Variants in ANKS1B observed in about 807,000 individuals in gnomAD.
ANKS1B encodes the protein ankyrin repeat and sterile alpha motif domain containing 1B, also known as ankyrin repeat and sterile alpha motif domain-containing protein 1B.
In ANKS1B, 36 loss-of-function variants were observed where a neutral mutation model predicts 148.3. The observed-to-expected ratio is 0.24, with a 90% CI of 0.19 to 0.32. The LOEUF (loss-of-function observed/expected upper bound fraction) is 0.32, where lower values mean the gene tolerates loss of function less well. Among genes scored for constraint, ANKS1B ranks in the 10% least tolerant of loss-of-function variants. The pLI is 1.00. For missense variants in ANKS1B, 1,157 were observed against 1,542.6 expected, an observed-to-expected ratio of 0.75 and a Z score of 4.19; for synonymous variants, 542 against 560.8, an observed-to-expected ratio of 0.97 and a Z score of 0.47.
At chr12:98,916,961 TA>T (rs1157578268) in intron 17 of ANKS1B, among the ~76,000 whole-genome samples, 1 of 141,678 alleles carries the variant, frequency 7.1e-6, no homozygotes, top group Non-Finnish European at 1.5e-5. Flanking sequence ...AGTATTCAAC[TA>T]TTTTTTTTTT....
chr12:98,875,185 G>A (rs1311054237), intron 17 of ANKS1B, among the ~76,000 whole-genome samples: 1 of 152,072 alleles, frequency 6.6e-6, no homozygotes, highest in Non-Finnish European at 1.5e-5. Flanking sequence ...ACCTATCCTT[G>A]CTCCTTGTTC....
chr12:99,306,601 T>G (rs948883490), intron 12 of ANKS1B, among the ~76,000 whole-genome samples: 4 of 152,116 alleles, frequency 2.6e-5, no homozygotes, highest in Non-Finnish European at 4.4e-5. Context: ...GGATGCTGTC[T>G]AGCATATCAA....
chr12:99,724,434 G>A (rs1229186111), intron 8 of ANKS1B, among the ~76,000 whole-genome samples: 1 of 152,170 alleles, frequency 6.6e-6, no homozygotes, highest in African/African-American at 2.4e-5. Flanking sequence ...GCTGAAATAA[G>A]GCATGCAGAC....
chr12:99,385,668 T>C (rs796727172), intron 12 of ANKS1B, among the ~76,000 whole-genome samples: 1 of 152,154 alleles, frequency 6.6e-6, no homozygotes, highest in South Asian at 2.1e-4. Flanking sequence ...ATAGTATTTA[T>C]TGTAATGTTC....
At chr12:98,942,306 T>C (rs1162970156) in intron 17 of ANKS1B, among the ~76,000 whole-genome samples, 4 of 152,132 alleles carry the variant, frequency 2.6e-5, no homozygotes, top group Non-Finnish European at 5.9e-5. Flanking sequence ...TTCTCTCTTA[T>C]ATGACTTTTG....
intron 19 of ANKS1B, among the ~76,000 whole-genome samples, chr12:98,809,493 G>C (rs2099077411): frequency 6.6e-6 from 1 of 152,136 alleles, no homozygotes; most frequent in South Asian, 2.1e-4. Flanking sequence ...CACTTCTAGT[G>C]CTAAATAATC....
At chr12:99,453,121 T>C (rs1351691187) in intron 10 of ANKS1B, among the ~76,000 whole-genome samples, 2 of 152,006 alleles carry the variant, frequency 1.3e-5, no homozygotes, top group Non-Finnish European at 2.9e-5. Flanking sequence ...AAACCCCGTC[T>C]CTACTAAAAA....
intron 12 of ANKS1B, among the ~76,000 whole-genome samples, chr12:99,326,201 A>T (rs1602966396): frequency 6.6e-6 from 1 of 152,064 alleles, no homozygotes; most frequent in South Asian, 2.1e-4. Context: ...GGGACACAAA[A>T]CCTAACCATA....
At chr12:99,543,611 G>T (rs2097147003) in intron 9 of ANKS1B, among the ~76,000 whole-genome samples, 1 of 152,036 alleles carries the variant, frequency 6.6e-6, no homozygotes, top group African/African-American at 2.4e-5. Context: ...ACACAGAATT[G>T]AATATTATTT....
intron 10 of ANKS1B, among the ~76,000 whole-genome samples, chr12:99,450,918 T>C (rs1478094897): frequency 1.3e-5 from 2 of 152,204 alleles, no homozygotes; most frequent in Non-Finnish European, 2.9e-5. Flanking sequence ...CTAGAAGATA[T>C]ATGAGTCTTA....
chr12:98,989,570 G>C lies in ANKS1B; in HGVS notation c.2778+63587C>G, dbSNP rs1480882476. ...TGGCTCCAAATTTGTTTGCTTGTTT[G>C]TTTTGCTCATGATTGCTTTGTCTAT... On this transcript the variant is annotated intron_variant, in intron 17 of 26. Coordinates refer to ENST00000683438, the MANE Select transcript of ANKS1B (RefSeq NM_001352186.2). Among the ~76,000 whole-genome samples, 9 of 152,048 alleles carry C rather than the reference G, an allele frequency of 5.9e-5. No individual in the cohort carries two copies. In the East Asian group the frequency reaches 1.7e-3, roughly 29 times the overall value.
At position 99,857,510 on chromosome 12, in the gene ANKS1B, T is replaced by G. The variant is rs150433879; in HGVS notation, c.135-32121A>C. Among the ~76,000 whole-genome samples the G allele has an allele frequency of 7.1e-3, 1,086 of 152,122 alleles. 10 individuals are homozygous for G. Among genetic ancestry groups the G allele is most frequent in the African/African-American group, 0.025 (1,024 of 41,510 alleles). ...TACAATTCCCATCAAAATACCACCATCATTCTTCACAGAACTAAAAGAAAA... is the reference window on the plus strand; with the variant it reads ...TACAATTCCCATCAAAATACCACCAGCATTCTTCACAGAACTAAAAGAAAA... On this transcript the variant is annotated intron_variant, in intron 1 of 26. Coordinates refer to ENST00000683438, the MANE Select transcript of ANKS1B (RefSeq NM_001352186.2).
At chr12:99,574,174 G>A (rs1044338442) in intron 9 of ANKS1B, among the ~76,000 whole-genome samples, 1 of 152,078 alleles carries the variant, frequency 6.6e-6, no homozygotes, top group Non-Finnish European at 1.5e-5. Context: ...AGAATCCAAT[G>A]AAATCTCTGT....
chr12:98,846,943 C>T (rs2099478899), intron 17 of ANKS1B, among the ~76,000 whole-genome samples: 1 of 152,146 alleles, frequency 6.6e-6, no homozygotes, highest in Admixed American at 6.6e-5. Flanking sequence ...CACTTTATTC[C>T]AGTATGACTG....
In ANKS1B at chr12:99,244,403, T is replaced by C; in HGVS notation, c.2358A>G (p.Ile786Met). Reference protein sequence around the residue: ...FTSEWEEIDKIMSSIDVGINN... With the variant: ...FTSEWEEIDKMMSSIDVGINN... ...TGATTCCAACATCTATGGAACTCAT[T>C]ATTTTGTCAATCTGTAAGAAACAAA... Residue 786 changes from isoleucine (I) to methionine (M), a missense_variant, in exon 14 of 27, where the codon ATA becomes ATG. Physicochemically the swap from Ile to Met is conservative, Grantham distance 10. This residue lies in a region of ANKS1B where 661 missense variants were observed against 642.1 expected (regional missense o/e 1.03). Coordinates refer to ENST00000683438, the MANE Select transcript of ANKS1B (RefSeq NM_001352186.2). 1 of 1,603,886 alleles carries C rather than the reference T, an allele frequency of 6.2e-7. No individual in the cohort carries two copies. Among genetic ancestry groups the C allele is most frequent in the Non-Finnish European group, 8.5e-7 (1 of 1,175,816 alleles).
At chr12:99,885,607 T>A (rs1204424559) in intron 1 of ANKS1B, among the ~76,000 whole-genome samples, 1 of 152,138 alleles carries the variant, frequency 6.6e-6, no homozygotes, top group Non-Finnish European at 1.5e-5. Flanking sequence ...CCGGTCTTTT[T>A]TTTTATTTCA....
intron 6 of ANKS1B, among the ~76,000 whole-genome samples, chr12:99,776,193 G>A (rs967443929): frequency 6.6e-5 from 10 of 152,108 alleles, no homozygotes; most frequent in African/African-American, 2.4e-4. Context: ...AAGAAATAAT[G>A]TTCATTGCCA....
At chr12:98,763,171 C>G (rs938585531) in intron 25 of ANKS1B, among the ~76,000 whole-genome samples, 7 of 152,200 alleles carry the variant, frequency 4.6e-5, no homozygotes, top group African/African-American at 7.2e-5. Context: ...TTTGCTTGTA[C>G]TTGTTTTTTT....
At chr12:99,859,729 C>T in intron 1 of ANKS1B, among the ~76,000 whole-genome samples, 1 of 152,022 alleles carries the variant, frequency 6.6e-6, no homozygotes, top group East Asian at 1.9e-4. Flanking sequence ...TCACTGCAAC[C>T]TCTGCCTCCC....
Sources: allele counts gnomAD v4.1 joint callset (sites outside exome capture counted in the v4.1 genomes callset), GRCh38; gene constraint gnomAD v4.1.1; regional missense constraint gnomAD v4.1.1; transcripts MANE v1.5; gene names NCBI Gene and HGNC (gene_info 2026-07-23, HGNC 2026-07-21).